RNFT2: variants seen among roughly 807,000 people sequenced by gnomAD.
The protein encoded by RNFT2 is E3 ubiquitin-protein ligase RNFT2.
A neutral mutation model predicts 53.0 loss-of-function variants in RNFT2; 36 were observed. The ratio of observed to expected loss-of-function variants is 0.68; its 90% CI spans 0.52 to 0.90. The LOEUF is 0.90. Among genes scored for constraint, RNFT2 ranks in the 40% least tolerant of loss-of-function variants. The probability of loss-of-function intolerance (pLI) is 0.00; values close to 1 mark genes in which losing one functional copy is unlikely to be tolerated. For synonymous variants in RNFT2, 260 were observed against 253.2 expected, an observed-to-expected ratio of 1.03 and a Z score of -0.26; for missense variants, 514 against 585.6, an observed-to-expected ratio of 0.88 and a Z score of 1.26.
At chr12:116,803,501 C>G (rs1424673471) in intron 7 of RNFT2, among the ~76,000 whole-genome samples, 1 of 152,164 alleles carries the variant, frequency 6.6e-6, no homozygotes, top group Non-Finnish European at 1.5e-5. Context: ...AAAGCCACTC[C>G]GCTGACCCCA....
intron 7 of RNFT2, among the ~76,000 whole-genome samples, chr12:116,809,187 G>GTTCATTCA (rs10527732): frequency 6.6e-6 from 1 of 150,836 alleles, no homozygotes; most frequent in Non-Finnish European, 1.5e-5. Flanking sequence ...AGCTGAGTTT[G>GTTCATTCA]TTCATTCATT....
At chr12:116,750,872 A>G (rs1255582484) in intron 4 of RNFT2, among the ~76,000 whole-genome samples, 4 of 1,158 alleles carry the variant, frequency 3.5e-3, no homozygotes, top group African/African-American at 5.1e-3. Flanking sequence ...TATATATATA[A>G]TATATATATT....
chr12:116,817,883 G>C (rs1156387461), intron 7 of RNFT2, among the ~76,000 whole-genome samples: 1 of 152,206 alleles, frequency 6.6e-6, no homozygotes, highest in Non-Finnish European at 1.5e-5. Flanking sequence ...GATGATAAAT[G>C]AAAGAAACAG....
intron 6 of RNFT2, among the ~76,000 whole-genome samples, chr12:116,774,887 A>G (rs1873358435): frequency 6.6e-6 from 1 of 151,870 alleles, no homozygotes; most frequent in Non-Finnish European, 1.5e-5. Flanking sequence ...CCAGTCTCAG[A>G]CCTCTGTGCC....
intron 3 of RNFT2, 98 bp downstream of exon 3, chr12:116,741,192 A>G: frequency 1.1e-6 from 1 of 884,458 alleles, no homozygotes; most frequent in Non-Finnish European, 1.8e-6. Flanking sequence ...CCTCAGCGTT[A>G]GTTGTTAGAG....
intron 7 of RNFT2, among the ~76,000 whole-genome samples, chr12:116,789,723 AGATG>A (rs1376260669): frequency 1.1e-4 from 13 of 119,958 alleles, no homozygotes; most frequent in African/African-American, 3.5e-4. Flanking sequence ...GGAGAAGAGT[AGATG>A]GATGGATGGA....
At chr12:116,845,893 T>C (rs1044815268) in intron 10 of RNFT2, among the ~76,000 whole-genome samples, 8 of 152,174 alleles carry the variant, frequency 5.3e-5, no homozygotes. Context: ...CACAGGAGAC[T>C]TCCTTCAGCC....
chr12:116,841,818 A>ATAAATATATATATATATATAT (rs1565875981), intron 10 of RNFT2, among the ~76,000 whole-genome samples: 9 of 76,948 alleles, frequency 1.2e-4, no homozygotes, highest in African/African-American at 6.8e-4. Context: ...TATATATATA[A>ATAAATATATATATATATATAT]AAATATATAT....
At chr12:116,788,405 T>G (rs927107033) in intron 7 of RNFT2, among the ~76,000 whole-genome samples, 1 of 152,312 alleles carries the variant, frequency 6.6e-6, no homozygotes, top group Middle Eastern at 3.4e-3. Context: ...ACCTACTGAT[T>G]CATCTGCCTC....
intron 8 of RNFT2, among the ~76,000 whole-genome samples, chr12:116,834,856 T>A (rs1876878139): frequency 6.6e-6 from 1 of 151,660 alleles, no homozygotes; most frequent in African/African-American, 2.4e-5. Context: ...ACTCCTTTTT[T>A]TTTTTTTTTT....
intron 10 of RNFT2, among the ~76,000 whole-genome samples, chr12:116,841,855 A>ATAT (rs1565876093): frequency 3.2e-3 from 79 of 24,382 alleles, no homozygotes; most frequent in Non-Finnish European, 4.9e-3. Flanking sequence ...AAATATATAT[A>ATAT]AAAATATATA....
At chr12:116,847,413 C>T (rs1257563982) in intron 10 of RNFT2, among the ~76,000 whole-genome samples, 1 of 152,114 alleles carries the variant, frequency 6.6e-6, no homozygotes, top group Non-Finnish European at 1.5e-5. Flanking sequence ...GTTCTATCCC[C>T]ATTTTACAGA....
intron 10 of RNFT2, among the ~76,000 whole-genome samples, chr12:116,848,826 T>A (rs1877750268): frequency 6.6e-6 from 1 of 151,878 alleles, no homozygotes; most frequent in Non-Finnish European, 1.5e-5. Flanking sequence ...TTGTTTTTTG[T>A]TTTTTTGTTT....
chr12:116,769,257 G>T (rs1873065107), intron 6 of RNFT2, among the ~76,000 whole-genome samples: 1 of 152,120 alleles, frequency 6.6e-6, no homozygotes, highest in Non-Finnish European at 1.5e-5. Context: ...TACTTGGGAG[G>T]CTGAGCCAGA....
chr12:116,779,088 C>A, intron 6 of RNFT2, 107 bp from the exon 7 acceptor site: 1 of 1,182,146 alleles, frequency 8.5e-7, no homozygotes, highest in Non-Finnish European at 1.2e-6. Context: ...ACTCCCAGTT[C>A]AGCGCTCTTT....
chr12:116,811,525 A>G (rs1875375913), intron 7 of RNFT2, among the ~76,000 whole-genome samples: 1 of 152,056 alleles, frequency 6.6e-6, no homozygotes, highest in South Asian at 2.1e-4. Flanking sequence ...ACAGGCGCCC[A>G]CCACCACACC....
At chr12:116,749,804 C>T (rs1295029065) in intron 3 of RNFT2, 37 bp from the exon 4 acceptor site, 7 of 1,540,768 alleles carry the variant, frequency 4.5e-6, no homozygotes, top group Non-Finnish European at 6.2e-6. Flanking sequence ...TTTCCATCTG[C>T]CTGACTTCCT....
chr12:116,792,445 C>T (rs1458579193), intron 7 of RNFT2, among the ~76,000 whole-genome samples: 1 of 152,146 alleles, frequency 6.6e-6, no homozygotes, highest in Non-Finnish European at 1.5e-5. Flanking sequence ...TCACTTCCTT[C>T]TCCTTGAAAC....
intron 6 of RNFT2, among the ~76,000 whole-genome samples, chr12:116,768,297 C>T (rs1466941131): frequency 2.0e-5 from 3 of 152,058 alleles, no homozygotes; most frequent in African/African-American, 7.2e-5. Flanking sequence ...GATGGGGTTT[C>T]ACCATGTTGG....
Sources: gnomAD v4.1 joint callset for allele counts (sites outside exome capture counted in the v4.1 genomes callset) on GRCh38, gnomAD v4.1.1 for gene constraint, MANE v1.5 for transcripts, NCBI Gene and HGNC (gene_info 2026-07-23, HGNC 2026-07-21) for gene names.